CHD7: variants seen among roughly 807,000 people sequenced by gnomAD.
The protein encoded by CHD7 is chromodomain helicase DNA binding protein 7.
Under a neutral mutation model 307.3 loss-of-function variants are expected in CHD7, and 24 were observed. That is an observed-to-expected ratio of 0.08 (90% confidence interval 0.06 to 0.11). The LOEUF is 0.11. Among genes scored for constraint, CHD7 ranks in the 10% least tolerant of loss-of-function variants. The pLI is 1.00. For missense variants in CHD7, 3,106 were observed against 3,727.1 expected (o/e 0.83, Z 4.34); for synonymous variants, 1,363 against 1,349.9 (o/e 1.01, Z -0.21).
chr8:60,809,239 C>T (rs1050187170), intron 7 of CHD7, among the ~76,000 whole-genome samples: 3 of 152,154 alleles, frequency 2.0e-5, no homozygotes, highest in Admixed American at 1.3e-4. Flanking sequence ...AAAGAAGTCT[C>T]TATCAGTTTT....
chr8:60,835,915 A>G (rs999444462), intron 15 of CHD7, among the ~76,000 whole-genome samples, 158 bp from the exon 16 acceptor site: 1 of 152,224 alleles, frequency 6.6e-6, no homozygotes. Flanking sequence ...ACAGTTTTGT[A>G]TAGACCCAAC....
intron 15 of CHD7, among the ~76,000 whole-genome samples, chr8:60,835,064 G>A (rs1181603006): frequency 6.6e-6 from 1 of 152,208 alleles, no homozygotes; most frequent in East Asian, 1.9e-4. Context: ...ATTTTCTGAA[G>A]AATAGTTGAG....
rs2129722219 is a variant in CHD7 at position 60,862,347 on chromosome 8, G to A, written c.7971+11G>A. On this transcript the variant is annotated intron_variant, in intron 36 of 37. Coordinates refer to ENST00000423902, the MANE Select transcript of CHD7 (RefSeq NM_017780.4). Reference sequence around the variant, plus strand: ...CGAAATGGGAAGAAGGTAAACGCTGGGAAAGGGAATTGATCACTATGCGAT... The same window carrying A: ...CGAAATGGGAAGAAGGTAAACGCTGAGAAAGGGAATTGATCACTATGCGAT... 2 of 1,596,256 alleles carry A rather than the reference G, an allele frequency of 1.3e-6. No individual in the cohort carries two copies. The highest frequency in any genetic ancestry group is 8.5e-7 in the Non-Finnish European group (1 of 1,171,662).
chr8:60,690,482 TA>T (rs1220991627), intron 1 of CHD7, among the ~76,000 whole-genome samples: 2 of 151,882 alleles, frequency 1.3e-5, no homozygotes, highest in African/African-American at 4.8e-5. Context: ...TTAAAAAAAA[TA>T]AAAAAAATAA....
Position 60,842,056 on chromosome 8 carries a change from A to G in CHD7, c.4850+4A>G. The G allele has an allele frequency of 1.2e-6, 2 of 1,607,514 alleles. No homozygotes were observed. Among genetic ancestry groups the G allele is most frequent in the Non-Finnish European group, 1.7e-6 (2 of 1,175,230 alleles). On this transcript the variant is annotated splice_donor_region_variant and intron_variant, in intron 21 of 37. Coordinates refer to ENST00000423902, the MANE Select transcript of CHD7 (RefSeq NM_017780.4). ...AGAAGAATCTGCTTGTCTATGGGTA[A>G]GTAGGACTCACTACGTAAGATAGAA...
chr8:60,680,839 G>T (rs1416614489), intron 1 of CHD7, among the ~76,000 whole-genome samples: 1 of 152,184 alleles, frequency 6.6e-6, no homozygotes, highest in African/African-American at 2.4e-5. Flanking sequence ...GTTTCCCATT[G>T]TATATTATCT....
chr8:60,847,410 A>G (rs1402249010), intron 23 of CHD7, among the ~76,000 whole-genome samples: 2 of 152,166 alleles, frequency 1.3e-5, no homozygotes, highest in Non-Finnish European at 2.9e-5. Context: ...TGCTACCATC[A>G]GTTTTCCCAT....
chr8:60,713,808 G>A (rs868269014), intron 1 of CHD7, among the ~76,000 whole-genome samples: 18 of 152,036 alleles, frequency 1.2e-4, no homozygotes, highest in African/African-American at 4.4e-4. Flanking sequence ...ACAAGACCAG[G>A]TCTTGTCACT....
At chr8:60,718,214 C>T (rs1807712528) in intron 1 of CHD7, among the ~76,000 whole-genome samples, 1 of 152,220 alleles carries the variant, frequency 6.6e-6, no homozygotes, top group Admixed American at 6.5e-5. Flanking sequence ...CGGTAGCTCA[C>T]ACCTGTAATC....
At chr8:60,774,302 A>G (rs914736039) in intron 2 of CHD7, among the ~76,000 whole-genome samples, 3 of 152,248 alleles carry the variant, frequency 2.0e-5, no homozygotes, top group Admixed American at 6.5e-5. Flanking sequence ...AGCAGCAATA[A>G]TATAACTCAC....
chr8:60,807,408 G>C (rs1812586301), intron 6 of CHD7, among the ~76,000 whole-genome samples: 1 of 152,170 alleles, frequency 6.6e-6, no homozygotes, highest in Non-Finnish European at 1.5e-5. Context: ...TTGTTTAAGA[G>C]CCTAAAACCA....
At chr8:60,863,728 C>CTTTTTTTTTTTTTTTTTTTTTTTTTTTTT (rs916844789) in intron 37 of CHD7, 1 of 142,782 alleles carries the variant, frequency 7.0e-6, no homozygotes. Flanking sequence ...CATACAATAT[C>CTTTTTTTTTTTTTTTTTTTTTTTTTTTTT]TTTTTTTTTC....
chr8:60,817,586 G>A lies in CHD7; in HGVS notation c.2613+1085G>A, dbSNP rs78840099. On this transcript the variant is annotated intron_variant, in intron 8 of 37. Coordinates refer to ENST00000423902, the MANE Select transcript of CHD7 (RefSeq NM_017780.4). ...GCACTCTGAGTGTGCAGCATTTTTG[G>A]CAGTGCAGTGTTTAGGACCGAGTGG... Among the ~76,000 whole-genome samples the A allele has an allele frequency of 3.5e-3, 533 of 152,248 alleles. 4 individuals are homozygous for A. Among genetic ancestry groups the A allele is most frequent in the African/African-American group, 0.012 (512 of 41,544 alleles).
In CHD7 at chr8:60,820,095, CAGGAGATCATTTGTATTACAA is replaced by C. The variant is rs1262085685; in HGVS notation, c.2697+8_2697+28del. 1 of 1,588,608 alleles carries C rather than the reference CAGGAGATCATTTGTATTACAA, an allele frequency of 6.3e-7. No homozygotes were observed. Among genetic ancestry groups the C allele is most frequent in the Non-Finnish European group, 8.6e-7 (1 of 1,160,988 alleles). On this transcript the variant is annotated splice_donor_region_variant and intron_variant, in intron 9 of 37. Transcript: ENST00000423902. ...AGCACAGATGACCGGGGAGAGGTAACAGGAGATCATTTGTATTACAAAGTGGTGATTCAGGCAACCCATACA... is the reference window on the plus strand; with the variant it reads ...AGCACAGATGACCGGGGAGAGGTAACAGTGGTGATTCAGGCAACCCATACA...
chr8:60,780,841 G>T (rs1305762084), intron 2 of CHD7, among the ~76,000 whole-genome samples, 159 bp from the exon 3 acceptor site: 2 of 151,808 alleles, frequency 1.3e-5, no homozygotes, highest in Non-Finnish European at 2.9e-5. Flanking sequence ...CATTTTTTTT[G>T]GATGAGAGAA....
chr8:60,824,130 A>G (rs1804166064), intron 13 of CHD7, 114 bp downstream of exon 13: 5 of 907,726 alleles, frequency 5.5e-6, no homozygotes, highest in Non-Finnish European at 8.4e-6. Context: ...CTTGTCAAAT[A>G]TTGTGATATA....
intron 32 of CHD7, among the ~76,000 whole-genome samples, chr8:60,855,641 C>G (rs1181097521): frequency 6.6e-6 from 1 of 152,190 alleles, no homozygotes; most frequent in African/African-American, 2.4e-5. Flanking sequence ...CTCTATGGAG[C>G]TTGTACAAGA....
chr8:60,679,961 A>C (rs1459352808), intron 1 of CHD7, among the ~76,000 whole-genome samples: 1 of 151,374 alleles, frequency 6.6e-6, no homozygotes, highest in Admixed American at 6.6e-5. Flanking sequence ...GTGCGCTAGG[A>C]GGAGAAGAAA....
chr8:60,807,835 A>G (rs1031306521), intron 6 of CHD7, among the ~76,000 whole-genome samples: 15 of 152,298 alleles, frequency 9.8e-5, no homozygotes, highest in Admixed American at 3.9e-4. Context: ...AATAATACAT[A>G]TGGCATTCAG....
Sources: allele counts gnomAD v4.1 joint callset (sites outside exome capture counted in the v4.1 genomes callset), GRCh38; gene constraint gnomAD v4.1.1; transcripts MANE v1.5; gene names NCBI Gene and HGNC (gene_info 2026-07-23, HGNC 2026-07-21).